Variants in KDM4C observed in about 807,000 individuals in gnomAD.
KDM4C encodes the protein lysine-specific demethylase 4C.
Under a neutral mutation model 129.3 loss-of-function variants are expected in KDM4C, and 81 were observed. That is an observed-to-expected ratio of 0.63 (90% CI 0.52 to 0.75). The LOEUF (loss-of-function observed/expected upper bound fraction) is 0.75. KDM4C is among the 30% of genes least tolerant of loss of function. KDM4C has a pLI of 0.00. For synonymous variants in KDM4C, 573 were observed against 456.1 expected (o/e 1.26, Z -3.26); for missense variants, 1,457 against 1,304.0 (o/e 1.12, Z -1.81).
chr9:7,140,223 C>A (rs1355206346), intron 19 of KDM4C, among the ~76,000 whole-genome samples: 1 of 152,178 alleles, frequency 6.6e-6, no homozygotes, highest in Non-Finnish European at 1.5e-5. Context: ...GCCCTACACT[C>A]CTGGTGTATG....
chr9:6,865,071 C>CAT (rs1841689946), intron 5 of KDM4C, among the ~76,000 whole-genome samples: 1 of 144,642 alleles, frequency 6.9e-6, no homozygotes, highest in Non-Finnish European at 1.5e-5. Flanking sequence ...TGCAGTGACG[C>CAT]GATCTCGGCT....
At chr9:6,790,807 C>G (rs1247726175) in intron 1 of KDM4C, among the ~76,000 whole-genome samples, 1 of 151,954 alleles carries the variant, frequency 6.6e-6, no homozygotes, top group Admixed American at 6.6e-5. Flanking sequence ...TCTTACTTAC[C>G]TTTGCATTCT....
intron 17 of KDM4C, among the ~76,000 whole-genome samples, chr9:7,059,835 G>A (rs1564060967): frequency 1.3e-5 from 2 of 152,050 alleles, no homozygotes; most frequent in Non-Finnish European, 2.9e-5. Flanking sequence ...ATTTTACTAT[G>A]TAATGGGTTT....
intron 4 of KDM4C, among the ~76,000 whole-genome samples, chr9:6,823,955 G>T (rs575387418): frequency 2.0e-5 from 3 of 152,302 alleles, no homozygotes; most frequent in African/African-American, 7.2e-5. Context: ...ATGGGAAGAT[G>T]ACAGCAGTAA....
At chr9:6,928,471 A>G (rs1454432462) in intron 8 of KDM4C, among the ~76,000 whole-genome samples, 8 of 152,208 alleles carry the variant, frequency 5.3e-5, no homozygotes, top group Non-Finnish European at 1.2e-4. Context: ...ACCCTTTGTC[A>G]TTCCCCTTAT....
At chr9:6,908,533 G>A (rs577049325) in intron 8 of KDM4C, among the ~76,000 whole-genome samples, 5 of 152,236 alleles carry the variant, frequency 3.3e-5, no homozygotes, top group African/African-American at 7.2e-5. Flanking sequence ...GACCCCACCT[G>A]GCCCAACATG....
intron 8 of KDM4C, among the ~76,000 whole-genome samples, chr9:6,910,692 G>C (rs1453683034): frequency 6.6e-6 from 1 of 152,170 alleles, no homozygotes; most frequent in Non-Finnish European, 1.5e-5. Flanking sequence ...TGTGCCCTGT[G>C]ACCCTGCATC....
intron 8 of KDM4C, among the ~76,000 whole-genome samples, chr9:6,967,559 AT>A (rs1831213964): frequency 6.6e-6 from 1 of 152,196 alleles, no homozygotes; most frequent in Non-Finnish European, 1.5e-5. Flanking sequence ...AGGCTGTGAA[AT>A]TGTTGGAAGG....
intron 18 of KDM4C, among the ~76,000 whole-genome samples, chr9:7,107,421 T>A (rs77492157): frequency 2.0e-5 from 3 of 152,328 alleles, no homozygotes; most frequent in Non-Finnish European, 4.4e-5. Flanking sequence ...TTGAGTAAAC[T>A]AGACAGATGC....
chr9:7,029,573 A>T (rs532013761), intron 15 of KDM4C, among the ~76,000 whole-genome samples: 1 of 151,998 alleles, frequency 6.6e-6, no homozygotes, highest in South Asian at 2.1e-4. Context: ...TCTAAAGAGT[A>T]AATATAAAAA....
At position 6,816,490 on chromosome 9, in the gene KDM4C, C is replaced by T. The variant is rs370553121; in HGVS notation, c.435+1745C>T. On this transcript the variant is annotated intron_variant, in intron 4 of 21. Transcript: ENST00000381309. ...GTTTAACAGTACAGCTCAGTGTGGC[C>T]TGTTTCTGAATTTTATATAACTAGA... Among the ~76,000 whole-genome samples the T allele has an allele frequency of 3.3e-5, 5 of 152,246 alleles. No individual in the cohort carries two copies. The East Asian group carries it at 5.8e-4, about 18-fold the overall frequency.
rs180755306 is a variant in KDM4C at position 7,159,776 on chromosome 9, T to A, written c.2782-5462T>A. Among the ~76,000 whole-genome samples, 732 of 152,326 alleles carry A rather than the reference T, an allele frequency of 4.8e-3. 4 individuals carry two copies. Among genetic ancestry groups the A allele is most frequent in the Non-Finnish European group, 8.0e-3 (544 of 68,026 alleles). On this transcript the variant is annotated intron_variant, in intron 19 of 21. Transcript: ENST00000381309. ...GCTGCCCTTAACACTTTTTCCTTCA[T>A]TTCAACCTTGGTGAATCTGCCAATT...
At chr9:6,779,600 A>G (rs934651469) in intron 1 of KDM4C, among the ~76,000 whole-genome samples, 4 of 152,298 alleles carry the variant, frequency 2.6e-5, no homozygotes, top group Non-Finnish European at 5.9e-5. Context: ...TTCCCTTGAC[A>G]GCTCCTGCTG....
At chr9:7,057,835 C>A (rs1204266074) in intron 17 of KDM4C, among the ~76,000 whole-genome samples, 1 of 152,168 alleles carries the variant, frequency 6.6e-6, no homozygotes, top group African/African-American at 2.4e-5. Context: ...TTGCTGAAAA[C>A]CGTAAGATGA....
intron 8 of KDM4C, among the ~76,000 whole-genome samples, chr9:6,931,125 C>G (rs59999598): frequency 0.26 from 38,870 of 151,116 alleles, 5,444 homozygotes; most frequent in South Asian, 0.39. Context: ...TCTTCTCACC[C>G]CCCCCACACA....
At chr9:7,053,456 A>G (rs1830482573) in intron 17 of KDM4C, among the ~76,000 whole-genome samples, 1 of 152,166 alleles carries the variant, frequency 6.6e-6, no homozygotes, top group Admixed American at 6.5e-5. Flanking sequence ...TCTTCTGTGG[A>G]TTTATTGATC....
chr9:6,942,259 C>T (rs3818890), intron 8 of KDM4C, among the ~76,000 whole-genome samples: 26,666 of 147,892 alleles, frequency 0.18, 4,869 homozygotes, highest in African/African-American at 0.47. Flanking sequence ...TTATCTATTT[C>T]TTTCTCATGT....
At chr9:6,852,145 T>C (rs940639367) in intron 5 of KDM4C, among the ~76,000 whole-genome samples, 16 of 152,186 alleles carry the variant, frequency 1.1e-4, no homozygotes, top group African/African-American at 3.9e-4. Context: ...ATGTATGAAA[T>C]ATTACATTTC....
chr9:6,818,443 T>C (rs537165330), intron 4 of KDM4C, among the ~76,000 whole-genome samples: 17 of 152,348 alleles, frequency 1.1e-4, no homozygotes, highest in Non-Finnish European at 1.6e-4. Flanking sequence ...GGGCAAGTTA[T>C]GCACATGTGT....
Sources: gnomAD v4.1 joint callset for allele counts (sites outside exome capture counted in the v4.1 genomes callset) on GRCh38, gnomAD v4.1.1 for gene constraint, MANE v1.5 for transcripts, NCBI Gene and HGNC (gene_info 2026-07-23, HGNC 2026-07-21) for gene names.